Variants in ATXN2L observed in about 807,000 individuals in gnomAD.
ATXN2L encodes the protein ataxin-2-like protein.
ATXN2L carries 24 observed loss-of-function variants against 120.7 expected under a neutral mutation model. The observed-to-expected ratio is 0.20, with a 90% confidence interval of 0.14 to 0.28. The LOEUF (loss-of-function observed/expected upper bound fraction) is 0.28, where lower values mean the gene tolerates loss of function less well. Among genes scored for constraint, ATXN2L ranks in the 10% least tolerant of loss-of-function variants. The probability of loss-of-function intolerance (pLI) is 1.00; values close to 1 mark genes in which losing one functional copy is unlikely to be tolerated. For synonymous variants in ATXN2L, 653 were observed against 568.1 expected (o/e 1.15, Z -2.13); for missense variants, 1,312 against 1,432.3 (o/e 0.92, Z 1.36).
rs753772350 is a variant in ATXN2L, at chr16:28,836,696, C to T, written c.*431C>T. 2.5e-5 allele frequency: 41 copies of T among 1,613,892 alleles called. No individual in the cohort carries two copies. Among genetic ancestry groups the T allele is most frequent in the Non-Finnish European group, 3.3e-5 (39 of 1,179,962 alleles). The stretch of plus-strand genomic sequence containing the variant: ...AGGGACAGCTGCTTGGGTTCTAATG[C>T]TCCTGCTCTCTTCTCTTTCCCCTCC... On this transcript the variant is annotated 3_prime_UTR_variant, in exon 22 of 22. Coordinates refer to ENST00000336783, the MANE Select transcript of ATXN2L (RefSeq NM_007245.4).
chr16:28,834,867 T>TA (rs1247965243), intron 18 of ATXN2L, 174 bp downstream of exon 18: 1 of 1,136,596 alleles, frequency 8.8e-7, no homozygotes, highest in African/African-American at 1.6e-5. Context: ...GTGGTACCTG[T>TA]AACAAGGCAT....
chr16:28,834,121 C>T lies in ATXN2L; in HGVS notation c.2082C>T (p.Ser694=), dbSNP rs147879774. 801 of 1,614,162 alleles carry T rather than the reference C, an allele frequency of 5.0e-4. 1 individual carries two copies. The highest frequency in any genetic ancestry group is 1.6e-3 in the Middle Eastern group (10 of 6,062). Residue 694 remains serine, a synonymous_variant, in exon 16 of 22, where the codon TCC becomes TCT. Coordinates refer to ENST00000336783, the MANE Select transcript of ATXN2L (RefSeq NM_007245.4). ...SPGPRTHSTP[S]IPVLTAGQSG... ...GGCCCCGGACTCATTCAACTCCCTC[C>T]ATCCCGGTGCTGACAGCAGGCCAGA...
intron 15 of ATXN2L, chr16:28,833,797 G>T: frequency 1.6e-6 from 1 of 610,448 alleles, no homozygotes; most frequent in Non-Finnish European, 2.9e-6. Flanking sequence ...GTATTGGAGT[G>T]GGGTAGTCAT....
intron 12 of ATXN2L, 86 bp from the exon 13 acceptor site, chr16:28,832,731 T>G: frequency 1.4e-6 from 2 of 1,469,342 alleles, no homozygotes; most frequent in Non-Finnish European, 1.9e-6. Flanking sequence ...TTCTTTGCTT[T>G]CTTGTCCTCT....
intron 18 of ATXN2L, 110 bp downstream of exon 18, chr16:28,834,803 A>C (rs1959460507): frequency 1.5e-6 from 2 of 1,339,456 alleles, no homozygotes; most frequent in East Asian, 4.9e-5. Flanking sequence ...TGTAGGTGGG[A>C]TCGGCCCTCT....
Position 28,824,236 on chromosome 16 carries a change from T to A in ATXN2L, c.299+678T>A. On this transcript the variant is annotated intron_variant, in intron 1 of 21. Transcript: ENST00000336783. Reference sequence around the variant, plus strand: ...GGCAGGGACTAGTTCGTGGAGGGGCTCGTCTGGTGGCAGTGCATGAGTAGT... The same window carrying A: ...GGCAGGGACTAGTTCGTGGAGGGGCACGTCTGGTGGCAGTGCATGAGTAGT... The A allele has an allele frequency of 4.5e-6, 5 of 1,100,012 alleles. No homozygotes were observed. The South Asian group carries it at 8.1e-5, about 18-fold the overall frequency. The allele number at this position is 1,100,012 out of a possible 1,614,324, so 68.1% of individuals were successfully genotyped here.
intron 6 of ATXN2L, among the ~76,000 whole-genome samples, 161 bp downstream of exon 6, chr16:28,827,147 T>C (rs1347001984): frequency 1.3e-5 from 2 of 152,198 alleles, no homozygotes; most frequent in African/African-American, 4.8e-5. Context: ...AAAATATCTA[T>C]TCTTAGCTGG....
chr16:28,825,747 T>C (rs376128468), intron 3 of ATXN2L, 23 bp from the exon 4 acceptor site: 4 of 1,613,740 alleles, frequency 2.5e-6, no homozygotes, highest in Non-Finnish European at 3.4e-6. Flanking sequence ...GAGACACTCT[T>C]CTTATTTTTC....
In ATXN2L at chr16:28,824,359, TG is replaced by T; in HGVS notation, c.299+806del. On this transcript the variant is annotated intron_variant, in intron 1 of 21. Coordinates refer to ENST00000336783, the MANE Select transcript of ATXN2L (RefSeq NM_007245.4). ...CGCAGTGGGCTCTGATCGCTGGAGG[TG>T]GGGGTTCGGAAAGTCCCGTGGGTTT... 3 of 1,224,662 alleles carry T rather than the reference TG, an allele frequency of 2.4e-6. No homozygotes were observed. In the South Asian group the frequency reaches 4.2e-5, roughly 17 times the overall value. The allele number at this position is 1,224,662 out of a possible 1,614,324, so 75.9% of individuals were successfully genotyped here.
Position 28,836,069 on chromosome 16 carries a change from C to T in ATXN2L, c.3032C>T (p.Pro1011Leu). The T allele has an allele frequency of 6.2e-7, 1 of 1,611,092 alleles. No individual in the cohort carries two copies. ...PQGAVPQSGVPALSASTPSPY... is the reference protein window; with the variant it reads ...PQGAVPQSGVLALSASTPSPY... ...GGCGCGGTGCCCCAGAGTGGGGTGC[C>T]TGCACTCTCAGCTTCCACACCCTCA... Residue 1011 changes from proline to leucine, a missense_variant, in exon 22 of 22, where the codon CCT (proline) becomes CTT (leucine). By Grantham distance (98) the Pro-to-Leu change is moderately conservative (BLOSUM62 -3). Coordinates refer to ENST00000336783, the MANE Select transcript of ATXN2L (RefSeq NM_007245.4).
chr16:28,836,024 G>A lies in ATXN2L; in HGVS notation c.2987G>A (p.Ser996Asn), dbSNP rs1392760461. 1 of 1,588,776 alleles carries A rather than the reference G, an allele frequency of 6.3e-7. No individual in the cohort carries two copies. The highest frequency in any genetic ancestry group is 1.1e-5 in the South Asian group (1 of 88,488). The change falls in exon 22 of 22, where the codon AGT becomes AAT. Residue 996 changes from serine (S) to asparagine (N), a missense_variant. By Grantham distance (46) the Ser-to-Asn change is conservative. Coordinates refer to ENST00000336783, the MANE Select transcript of ATXN2L (RefSeq NM_007245.4). Reference protein sequence around the residue: ...PQVMLLHPPQSHGGPPQGAVP... With the variant: ...PQVMLLHPPQNHGGPPQGAVP... The stretch of plus-strand genomic sequence containing the variant: ...GTGATGCTGCTGCACCCACCCCAGA[G>A]TCATGGGGGGCCCCCCCAAGGCGCG...
chr16:28,826,555 TC>T, intron 5 of ATXN2L, 165 bp downstream of exon 5: 1 of 765,804 alleles, frequency 1.3e-6, no homozygotes, highest in South Asian at 2.0e-5. Flanking sequence ...GGTGGATTTT[TC>T]TTCTTAAAAA....
At position 28,832,844 on chromosome 16, in the gene ATXN2L, G is replaced by A. The variant is rs767436806; in HGVS notation, c.1616G>A (p.Arg539Gln). The A allele has an allele frequency of 5.0e-6, 8 of 1,614,140 alleles. No homozygotes were observed. Among genetic ancestry groups the A allele is most frequent in the South Asian group, 1.1e-5 (1 of 91,082 alleles). The part of the protein sequence containing the change: ...KVPGLQNEQK[R>Q]FQLEELRKFG... ...CCTGGTCTTCAGAATGAACAGAAAC[G>A]ATTCCAACTGGAAGAACTGAGAAAG... The change falls in exon 13 of 22, where the codon CGA (arginine) becomes CAA (glutamine). Residue 539 changes from arginine to glutamine, a missense_variant. Transcript: ENST00000336783.
In ATXN2L at chr16:28,835,982, C is replaced by T; in HGVS notation, c.2945C>T (p.Ala982Val). The T allele has an allele frequency of 1.3e-6, 2 of 1,545,384 alleles. No individual in the cohort carries two copies. The highest frequency in any genetic ancestry group is 1.7e-6 in the Non-Finnish European group (2 of 1,146,462). ...ITAAPPPHPG[A>V]PHPPQVMLLH... is the part of the protein sequence containing the mutation. Reference sequence around the variant, plus strand: ...GCAGCCCCGCCCCCTCACCCTGGGGCTCCCCACCCGCCCCAGGTGATGCTG... The same window carrying T: ...GCAGCCCCGCCCCCTCACCCTGGGGTTCCCCACCCGCCCCAGGTGATGCTG... Residue 982 changes from alanine to valine, a missense_variant, in exon 22 of 22, where the codon GCT becomes GTT. Ala to Val is a moderately conservative substitution (Grantham distance 64). Coordinates refer to ENST00000336783, the MANE Select transcript of ATXN2L (RefSeq NM_007245.4).
rs977966044 is a variant in ATXN2L, at chr16:28,823,555, C to T, written c.296C>T (p.Ala99Val). 3.7e-6 allele frequency: 5 copies of T among 1,351,260 alleles called. No individual in the cohort carries two copies. In the African/African-American group the frequency reaches 7.7e-5, roughly 21 times the overall value. The allele number at this position is 1,351,260 out of a possible 1,614,324, so 83.7% of individuals were successfully genotyped here. A position where few individuals can be genotyped will look rare whatever the true frequency, so the allele number is the denominator to read the frequency against. ...ERPGAAAIGS[A>V]RGQSTGKGPP... ...CCGGGGGCAGCCGCCATCGGCAGCG[C>T]CAGGTGAGAAGGGTGGGCTCCGGGC... The change falls in exon 1 of 22, where the codon GCC (alanine) becomes GTC (valine). Residue 99 changes from alanine (A) to valine (V), a missense_variant. Transcript: ENST00000336783.
At position 28,833,527 on chromosome 16, in the gene ATXN2L, A is replaced by G. The variant is rs1567428478; in HGVS notation, c.2025+19A>G. ...GTCTGTGGTGAGCTGGGACAGGAGA[A>G]TGTGGACTTTGGTTTCTGTGGGGAG... On this transcript the variant is annotated intron_variant, in intron 15 of 21. Coordinates refer to ENST00000336783, the MANE Select transcript of ATXN2L (RefSeq NM_007245.4). The G allele has an allele frequency of 1.2e-6, 2 of 1,613,548 alleles. No homozygotes were observed. The highest frequency in any genetic ancestry group is 1.7e-5 in the Admixed American group (1 of 60,016).
At chr16:28,825,183 C>T (rs1045589348) in intron 1 of ATXN2L, among the ~76,000 whole-genome samples, 183 bp from the exon 2 acceptor site, 2 of 151,864 alleles carry the variant, frequency 1.3e-5, no homozygotes, top group Non-Finnish European at 2.9e-5. Flanking sequence ...CGCCACTGCA[C>T]CCCAGCCTGG....
In ATXN2L at chr16:28,825,363, T is replaced by C. The variant is rs775366528; in HGVS notation, c.300-3T>C. 5.7e-5 allele frequency: 92 copies of C among 1,613,810 alleles called. No homozygotes were observed. Among genetic ancestry groups the C allele is most frequent in the Non-Finnish European group, 1.1e-5 (13 of 1,179,876 alleles). On this transcript the variant is annotated splice_polypyrimidine_tract_variant and splice_region_variant and intron_variant, in intron 1 of 21. Transcript: ENST00000336783. ...TTAAGTAATTTCTTGTTTTCTTTTA[T>C]AGGGGACAGAGCACAGGAAAGGGAC... is the stretch of plus-strand genomic sequence containing the variant.
chr16:28,825,551 G>A, intron 2 of ATXN2L, 73 bp from the exon 3 acceptor site: 1 of 1,550,644 alleles, frequency 6.4e-7, no homozygotes, highest in Non-Finnish European at 8.9e-7. Context: ...GTAGAGTGCG[G>A]CGGGCATTTA....
Sources: gnomAD v4.1 joint callset for allele counts (sites outside exome capture counted in the v4.1 genomes callset) on GRCh38, gnomAD v4.1.1 for gene constraint, MANE v1.5 for transcripts, NCBI Gene and HGNC (gene_info 2026-07-23, HGNC 2026-07-21) for gene names.